AFF1: variants seen among roughly 807,000 people sequenced by gnomAD.
AFF1 encodes AF4/FMR2 family member 1.
AFF1 carries 48 observed loss-of-function variants against 121.7 expected under a neutral mutation model. That is an observed-to-expected ratio of 0.39 (90% confidence interval 0.31 to 0.50). The LOEUF (loss-of-function observed/expected upper bound fraction) is 0.50. AFF1 is among the 20% of genes least tolerant of loss of function. The pLI is 0.76. For synonymous variants in AFF1, 613 were observed against 563.0 expected (o/e 1.09, Z -1.26); for missense variants, 1,523 against 1,511.7 (o/e 1.01, Z -0.12).
At chr4:87,000,874 C>T (rs1725657070) in intron 2 of AFF1, among the ~76,000 whole-genome samples, 1 of 151,988 alleles carries the variant, frequency 6.6e-6, no homozygotes, top group South Asian at 2.1e-4. Flanking sequence ...GCTTGTATAC[C>T]TCCTACAAGA....
intron 3 of AFF1, 116 bp from the exon 4 acceptor site, chr4:87,046,579 C>T (rs527290718): frequency 8.7e-7 from 1 of 1,149,758 alleles, no homozygotes; most frequent in Non-Finnish European, 1.2e-6. Flanking sequence ...ACATTAAATT[C>T]TACATGTCGT....
chr4:86,969,145 G>C (rs1341085050), intron 2 of AFF1, among the ~76,000 whole-genome samples: 3 of 144,640 alleles, frequency 2.1e-5, no homozygotes, highest in Admixed American at 6.9e-5. Flanking sequence ...GTCTTGACCA[G>C]AGGGTGCATT....
At chr4:87,116,733 G>A (rs1184518649) in intron 12 of AFF1, among the ~76,000 whole-genome samples, 1 of 152,176 alleles carries the variant, frequency 6.6e-6, no homozygotes, top group Non-Finnish European at 1.5e-5. Flanking sequence ...AAGTTGAGTG[G>A]GATGGGATCC....
At chr4:86,954,037 A>G (rs928205825) in intron 2 of AFF1, among the ~76,000 whole-genome samples, 1 of 152,036 alleles carries the variant, frequency 6.6e-6, no homozygotes, top group Non-Finnish European at 1.5e-5. Flanking sequence ...CATAAAGTGA[A>G]CACATGTAAC....
intron 8 of AFF1, among the ~76,000 whole-genome samples, chr4:87,097,808 T>C (rs1420786572): frequency 6.6e-6 from 1 of 152,186 alleles, no homozygotes; most frequent in African/African-American, 2.4e-5. Context: ...GAACTCACTT[T>C]TAATGGAGAT....
At chr4:87,134,136 G>T (rs916218450) in intron 19 of AFF1, among the ~76,000 whole-genome samples, 10 of 152,232 alleles carry the variant, frequency 6.6e-5, no homozygotes, top group African/African-American at 2.4e-4. Flanking sequence ...TGCTCAGTTA[G>T]TGTTTACTGA....
At chr4:87,058,079 C>T (rs778551662) in intron 4 of AFF1, among the ~76,000 whole-genome samples, 9 of 152,126 alleles carry the variant, frequency 5.9e-5, no homozygotes, top group Non-Finnish European at 8.8e-5. Flanking sequence ...ATTTGTTTCT[C>T]TCTTGATTAT....
intron 5 of AFF1, among the ~76,000 whole-genome samples, chr4:87,089,327 A>G (rs1335266184): frequency 6.6e-6 from 1 of 152,226 alleles, no homozygotes; most frequent in Non-Finnish European, 1.5e-5. Context: ...ATTCATGTCA[A>G]GATACATATA....
chr4:86,969,997 C>CTA lies in AFF1; in HGVS notation c.38+21430_38+21431dup, dbSNP rs565763698. ...TATTTTTGTGGGTAGGAAGCTAGAG[C>CTA]TATATCTACCTAGATAAACACATTC... On this transcript the variant is annotated intron_variant, in intron 2 of 20. Coordinates refer to ENST00000395146, the MANE Select transcript of AFF1 (RefSeq NM_001166693.3). Among the ~76,000 whole-genome samples the CTA allele has an allele frequency of 2.2e-4, 34 of 151,406 alleles. 1 individual carries two copies. The South Asian group carries it at 6.9e-3, about 31-fold the overall frequency.
In AFF1 at chr4:86,984,904, G is replaced by A. The variant is rs1724084269; in HGVS notation, c.38+36333G>A. Reference sequence around the variant, plus strand: ...GCCACTGCATTCCAGCCTGGCAGCAGAATGAGACTCCATCTAAAAAAATAA... The same window carrying A: ...GCCACTGCATTCCAGCCTGGCAGCAAAATGAGACTCCATCTAAAAAAATAA... On this transcript the variant is annotated intron_variant, in intron 2 of 20. Coordinates refer to ENST00000395146, the MANE Select transcript of AFF1 (RefSeq NM_001166693.3). 2.6e-5 allele frequency among the ~76,000 whole-genome samples: 4 copies of A among 151,820 alleles called. No homozygotes were observed. In the South Asian group the frequency reaches 8.3e-4, roughly 31 times the overall value.
intron 19 of AFF1, among the ~76,000 whole-genome samples, chr4:87,133,192 T>C (rs1044831098): frequency 2.6e-5 from 4 of 152,340 alleles, no homozygotes; most frequent in Admixed American, 2.0e-4. Context: ...AAAATTTTTT[T>C]CCCCATTTTG....
chr4:86,965,652 T>A (rs1459498941), intron 2 of AFF1, among the ~76,000 whole-genome samples: 3 of 152,184 alleles, frequency 2.0e-5, no homozygotes, highest in African/African-American at 7.2e-5. Context: ...CTAATGGGCA[T>A]TTTTGACTCC....
chr4:87,000,325 C>A lies in AFF1; in HGVS notation c.39-45841C>A, dbSNP rs541467354. The stretch of plus-strand genomic sequence containing the variant: ...CAGCCTAAACTTCTCAAAACTGTCA[C>A]GAAAAACAAGGAAAAACTGAGAAAT... On this transcript the variant is annotated intron_variant, in intron 2 of 20. Coordinates refer to ENST00000395146, the MANE Select transcript of AFF1 (RefSeq NM_001166693.3). 2.6e-5 allele frequency among the ~76,000 whole-genome samples: 4 copies of A among 152,194 alleles called. No homozygotes were observed. In the East Asian group the frequency reaches 7.7e-4, roughly 29 times the overall value.
rs751825476 is a variant in AFF1, at chr4:87,047,268, A to G, written c.733A>G (p.Lys245Glu). The G allele has an allele frequency of 4.0e-5, 65 of 1,614,096 alleles. No individual in the cohort carries two copies. The highest frequency in any genetic ancestry group is 6.7e-5 in the African/African-American group (5 of 74,920). ...GGTTCATGGCAGCAGCAATAACAGT[A>G]AAGGCTATTGCCCAGCCAAATCTCC... ...SKVHGSSNNS[K>E]GYCPAKSPKD... Residue 245 changes from lysine to glutamate, a missense_variant, in exon 4 of 21, where the codon AAA becomes GAA. This residue lies in a region of AFF1 where 369 missense variants were observed against 367.2 expected (regional missense o/e 1.00). Transcript: ENST00000395146.
In AFF1 at chr4:87,135,713, G is replaced by GTTGA; in HGVS notation, c.*15_*18dup. 1 of 1,607,768 alleles carries GTTGA rather than the reference G, an allele frequency of 6.2e-7. No homozygotes were observed. The highest frequency in any genetic ancestry group is 8.5e-7 in the Non-Finnish European group (1 of 1,177,108). ...CCAAAACACCTTAATGGAGCCCCAG[G>GTTGA]TTGATTCAATGCCTTGGGAACTATT... On this transcript the variant is annotated 3_prime_UTR_variant, in exon 21 of 21. Transcript: ENST00000395146.
At chr4:86,991,144 C>CA (rs1232057157) in intron 2 of AFF1, among the ~76,000 whole-genome samples, 1 of 148,466 alleles carries the variant, frequency 6.7e-6, no homozygotes, top group African/African-American at 2.5e-5. Context: ...TGTCTCAAAA[C>CA]AAAAAACAAA....
At chr4:86,957,939 A>C (rs1721862586) in intron 2 of AFF1, among the ~76,000 whole-genome samples, 1 of 152,132 alleles carries the variant, frequency 6.6e-6, no homozygotes, top group Non-Finnish European at 1.5e-5. Flanking sequence ...TTTTAAAGCA[A>C]ATTCCATTTC....
chr4:87,072,735 TG>T (rs1722219536), intron 4 of AFF1, among the ~76,000 whole-genome samples: 1 of 152,164 alleles, frequency 6.6e-6, no homozygotes, highest in Non-Finnish European at 1.5e-5. Flanking sequence ...TTCACCATGT[TG>T]GCCAGGCTGG....
intron 2 of AFF1, among the ~76,000 whole-genome samples, chr4:87,027,241 G>T (rs908217768): frequency 6.6e-6 from 1 of 152,216 alleles, no homozygotes; most frequent in Non-Finnish European, 1.5e-5. Context: ...TAGATTGCTT[G>T]TAGTTTCCCA....
Sources: gnomAD v4.1 joint callset for allele counts (sites outside exome capture counted in the v4.1 genomes callset) on GRCh38, gnomAD v4.1.1 for gene constraint, gnomAD v4.1.1 regional missense constraint, MANE v1.5 for transcripts, NCBI Gene and HGNC (gene_info 2026-07-23, HGNC 2026-07-21) for gene names.